Variants in CCDC7 observed in about 807,000 individuals in gnomAD.
The protein encoded by CCDC7 is coiled-coil domain-containing protein 7.
In CCDC7, 183 loss-of-function variants were observed where a neutral mutation model predicts 196.9. The ratio of observed to expected loss-of-function variants is 0.93; its 90% CI spans 0.82 to 1.05. The LOEUF (loss-of-function observed/expected upper bound fraction) is 1.05. Among genes scored for constraint, CCDC7 ranks in the 50% least tolerant of loss-of-function variants. The pLI is 0.00. For missense variants in CCDC7, 1,540 were observed against 1,482.2 expected (o/e 1.04, Z -0.64); for synonymous variants, 525 against 484.6 (o/e 1.08, Z -1.10).
At chr10:32,663,765 G>C (rs1018679097) in intron 20 of CCDC7, among the ~76,000 whole-genome samples, 1 of 151,772 alleles carries the variant, frequency 6.6e-6, no homozygotes, top group Admixed American at 6.6e-5. Flanking sequence ...AATTTTCATT[G>C]CTTTGCCTAT....
intron 25 of CCDC7, among the ~76,000 whole-genome samples, chr10:32,717,200 T>A (rs1049553890): frequency 1.3e-5 from 2 of 152,170 alleles, no homozygotes; most frequent in African/African-American, 4.8e-5. Context: ...CACAGTGCAA[T>A]CAAAGTAAAA....
At chr10:32,610,016 A>G (rs562406050) in intron 18 of CCDC7, among the ~76,000 whole-genome samples, 2 of 144,820 alleles carry the variant, frequency 1.4e-5, no homozygotes, top group African/African-American at 2.8e-5. Flanking sequence ...TTTTTTGCGT[A>G]TGTGTATGTA....
chr10:32,618,935 G>T (rs546966272), intron 18 of CCDC7, among the ~76,000 whole-genome samples: 6 of 151,838 alleles, frequency 4.0e-5, no homozygotes, highest in African/African-American at 1.4e-4. Flanking sequence ...TGTTCATTCT[G>T]TTCTATTCTT....
intron 29 of CCDC7, among the ~76,000 whole-genome samples, chr10:32,796,807 T>C (rs556434328): frequency 6.6e-6 from 1 of 152,322 alleles, no homozygotes; most frequent in East Asian, 1.9e-4. Flanking sequence ...AATTTTACAA[T>C]AATGGATGAC....
At chr10:32,570,755 A>G (rs1176555211) in intron 15 of CCDC7, among the ~76,000 whole-genome samples, 1 of 152,182 alleles carries the variant, frequency 6.6e-6, no homozygotes, top group Admixed American at 6.5e-5. Flanking sequence ...ATTTAACTAC[A>G]GGGGGAATTA....
At chr10:32,499,811 G>C (rs1015128895) in intron 9 of CCDC7, among the ~76,000 whole-genome samples, 9 of 151,722 alleles carry the variant, frequency 5.9e-5, no homozygotes. Context: ...GACTCTTAAC[G>C]AGTATGCTGC....
chr10:32,692,555 G>A (rs1163108717), intron 23 of CCDC7, among the ~76,000 whole-genome samples: 1 of 152,150 alleles, frequency 6.6e-6, no homozygotes, highest in Non-Finnish European at 1.5e-5. Context: ...TCCACTGAGA[G>A]TGTCCTGCAG....
intron 20 of CCDC7, among the ~76,000 whole-genome samples, chr10:32,637,463 C>A (rs1341911582): frequency 6.6e-6 from 1 of 152,176 alleles, no homozygotes; most frequent in Non-Finnish European, 1.5e-5. Context: ...GCCAGTTTTC[C>A]CAGCACCATT....
chr10:32,460,675 A>G (rs1338076201), intron 3 of CCDC7, among the ~76,000 whole-genome samples: 2 of 152,194 alleles, frequency 1.3e-5, no homozygotes, highest in African/African-American at 4.8e-5. Context: ...TGACACAGAC[A>G]TTAATTTGCT....
At chr10:32,690,733 TAC>T in intron 23 of CCDC7, among the ~76,000 whole-genome samples, 1 of 152,350 alleles carries the variant, frequency 6.6e-6, no homozygotes, top group Non-Finnish European at 1.5e-5. Flanking sequence ...TCTGGATATT[TAC>T]ATTCTTCCAT....
At position 32,737,752 on chromosome 10, in the gene CCDC7, C is replaced by A. The variant is rs1308150489; in HGVS notation, c.2905+8295C>A. On this transcript the variant is annotated intron_variant, in intron 28 of 41. Transcript: ENST00000639629. ...ATTACTATGTTTTCTTGAATAATGA[C>A]CTTTTTATCACTGTGTAATGTCCCT... 3.3e-5 allele frequency among the ~76,000 whole-genome samples: 5 copies of A among 152,192 alleles called. No individual in the cohort carries two copies. In the South Asian group the frequency reaches 8.3e-4, roughly 25 times the overall value.
At chr10:32,820,781 A>G (rs931752396) in intron 31 of CCDC7, among the ~76,000 whole-genome samples, 5 of 152,302 alleles carry the variant, frequency 3.3e-5, no homozygotes, top group African/African-American at 7.2e-5. Flanking sequence ...AGCTGAAACT[A>G]GATAGCTTCC....
At chr10:32,512,093 A>G (rs891852684) in intron 9 of CCDC7, 1 of 193,754 alleles carries the variant, frequency 5.2e-6, no homozygotes, top group Non-Finnish European at 1.1e-5. Context: ...GCATAGATCT[A>G]GAGGGCCTTG....
At chr10:32,782,182 A>G (rs1369881692) in intron 29 of CCDC7, among the ~76,000 whole-genome samples, 1 of 152,154 alleles carries the variant, frequency 6.6e-6, no homozygotes, top group Non-Finnish European at 1.5e-5. Context: ...AAATAAATGG[A>G]AAGACATCTC....
At chr10:32,730,158 C>G (rs2083715774) in intron 28 of CCDC7, among the ~76,000 whole-genome samples, 1 of 152,084 alleles carries the variant, frequency 6.6e-6, no homozygotes, top group Admixed American at 6.6e-5. Flanking sequence ...CTCTTGCCCC[C>G]CACTCCAGAC....
At chr10:32,752,090 A>G (rs1182466971) in intron 28 of CCDC7, among the ~76,000 whole-genome samples, 1 of 152,142 alleles carries the variant, frequency 6.6e-6, no homozygotes, top group African/African-American at 2.4e-5. Flanking sequence ...AGCACTCAGC[A>G]GAGGCAATAT....
In CCDC7 at chr10:32,509,000, T is replaced by C. The variant is rs190226202; in HGVS notation, c.873-8945T>C. Among the ~76,000 whole-genome samples, 4 of 144,324 alleles carry C rather than the reference T, an allele frequency of 2.8e-5. No homozygotes were observed. The East Asian group carries it at 8.3e-4, about 30-fold the overall frequency. The allele number at this position is 144,324 out of a possible 152,430, so 94.7% of individuals were successfully genotyped here. ...CCCAGGCTGGAGTGCAGTGCCATGA[T>C]CTTGGCTCACTGCAACCTCTGCCTC... On this transcript the variant is annotated intron_variant, in intron 9 of 41. Coordinates refer to ENST00000639629, the Ensembl canonical transcript of CCDC7.
chr10:32,847,762 A>G, intron 37 of CCDC7, 71 bp from the exon 39 acceptor site: 1 of 933,354 alleles, frequency 1.1e-6, no homozygotes, highest in Non-Finnish European at 1.6e-6. Context: ...AAAAGAAAAA[A>G]GAACTAAAAT....
At chr10:32,719,057 G>A (rs181910488) in intron 25 of CCDC7, among the ~76,000 whole-genome samples, 135 of 152,164 alleles carry the variant, frequency 8.9e-4, no homozygotes, top group African/African-American at 3.2e-3. Flanking sequence ...AAAAGAGCCC[G>A]TATAGTCAAG....
Sources: allele counts gnomAD v4.1 joint callset (sites outside exome capture counted in the v4.1 genomes callset), GRCh38; gene constraint gnomAD v4.1.1; transcripts MANE v1.5; gene names NCBI Gene and HGNC (gene_info 2026-07-23, HGNC 2026-07-21).